EFHB: variants seen among roughly 807,000 people sequenced by gnomAD.
EFHB encodes EF-hand domain family member B.
EFHB carries 91 observed loss-of-function variants against 87.2 expected under a neutral mutation model. The ratio of observed to expected loss-of-function variants is 1.04; its 90% CI spans 0.88 to 1.24. The LOEUF (loss-of-function observed/expected upper bound fraction) is 1.24, where lower values mean the gene tolerates loss of function less well. Among genes scored for constraint, EFHB ranks in the 50% most tolerant of loss-of-function variants. EFHB has a pLI of 0.00. For synonymous variants in EFHB, 325 were observed against 333.6 expected (o/e 0.97, Z 0.28); for missense variants, 1,084 against 998.8 (o/e 1.09, Z -1.15).
chr3:19,903,702 C>T (rs186167327), intron 6 of EFHB, among the ~76,000 whole-genome samples: 2 of 151,884 alleles, frequency 1.3e-5, no homozygotes, highest in East Asian at 1.9e-4. Flanking sequence ...TTGAATAATT[C>T]GAGTATCAGA....
chr3:19,904,975 A>G (rs1694792031), intron 6 of EFHB, among the ~76,000 whole-genome samples: 1 of 152,198 alleles, frequency 6.6e-6, no homozygotes, highest in Non-Finnish European at 1.5e-5. Flanking sequence ...TGAAAAACTA[A>G]TGACCCAATT....
At chr3:19,933,199 T>C (rs1332217451) in intron 1 of EFHB, 31 bp downstream of exon 1, 2 of 1,588,614 alleles carry the variant, frequency 1.3e-6, no homozygotes, top group African/African-American at 2.7e-5. Context: ...ATACACAGTT[T>C]AGTTCCTATG....
At chr3:19,941,508 T>C (rs142955819) in intron 1 of EFHB, 71 of 157,784 alleles carry the variant, frequency 4.5e-4, no homozygotes, top group Middle Eastern at 3.2e-3. Context: ...TGTCTCCTGC[T>C]GTAGATTTCA....
chr3:19,888,676 A>G (rs1049562332), intron 9 of EFHB, 25 bp from the exon 10 acceptor site: 1 of 1,573,352 alleles, frequency 6.4e-7, no homozygotes, highest in Non-Finnish European at 8.7e-7. Context: ...GCAAAAGAAC[A>G]TAAAATGGGA....
chr3:19,907,459 A>C (rs1278400886), intron 5 of EFHB, among the ~76,000 whole-genome samples: 1 of 152,204 alleles, frequency 6.6e-6, no homozygotes, highest in African/African-American at 2.4e-5. Flanking sequence ...CCTGAAGATC[A>C]AGGGAGGTAT....
intron 6 of EFHB, among the ~76,000 whole-genome samples, chr3:19,902,837 TAAAG>T (rs1326525509): frequency 1.3e-5 from 2 of 152,128 alleles, no homozygotes; most frequent in African/African-American, 4.8e-5. Flanking sequence ...ACCAAAAGAA[TAAAG>T]AATTTCTCTA....
At chr3:19,918,836 C>T (rs967521343) in intron 3 of EFHB, among the ~76,000 whole-genome samples, 5 of 150,648 alleles carry the variant, frequency 3.3e-5, no homozygotes, top group Admixed American at 1.3e-4. Flanking sequence ...AAAAATTAGC[C>T]GGGTGTGCTG....
At chr3:19,940,700 A>C in intron 1 of EFHB, 1 of 346,506 alleles carries the variant, frequency 2.9e-6, no homozygotes, top group Non-Finnish European at 5.8e-6. Context: ...TTTTTCCTGT[A>C]CTCTTGTGCA....
At chr3:19,912,711 A>T (rs938473546) in intron 5 of EFHB, among the ~76,000 whole-genome samples, 1 of 152,204 alleles carries the variant, frequency 6.6e-6, no homozygotes, top group African/African-American at 2.4e-5. Context: ...AACAGGGTTA[A>T]AAAGTTAAGG....
intron 4 of EFHB, among the ~76,000 whole-genome samples, chr3:19,917,803 G>C (rs1695285250): frequency 6.6e-6 from 1 of 152,176 alleles, no homozygotes; most frequent in Admixed American, 6.5e-5. Context: ...TGCATGAATG[G>C]AGTGCAGTAT....
chr3:19,905,529 T>G (rs1255520222), intron 6 of EFHB, 91 bp downstream of exon 6: 1 of 1,370,736 alleles, frequency 7.3e-7, no homozygotes, highest in Non-Finnish European at 1.0e-6. Flanking sequence ...ATCATTTTAT[T>G]ACCTCTTCAA....
chr3:19,940,881 C>A, intron 1 of EFHB: 1 of 355,382 alleles, frequency 2.8e-6, no homozygotes, highest in South Asian at 2.8e-5. Context: ...ATCAGGCTGC[C>A]TGTCAGAGTA....
intron 2 of EFHB, 66 bp from the exon 3 acceptor site, chr3:19,920,042 T>C: frequency 1.3e-6 from 2 of 1,548,436 alleles, no homozygotes; most frequent in Admixed American, 1.8e-5. Flanking sequence ...AGGACTGATC[T>C]ATACCAATCA....
intron 9 of EFHB, among the ~76,000 whole-genome samples, chr3:19,891,295 A>G (rs1471033919): frequency 2.0e-5 from 3 of 152,056 alleles, no homozygotes; most frequent in Non-Finnish European, 4.4e-5. Context: ...GCCTCAAACT[A>G]TCCTCCTGCC....
Position 19,898,802 on chromosome 3 carries a change from C to T in EFHB, c.1546G>A (p.Ala516Thr), listed in dbSNP as rs140335650. 3 of 1,613,754 alleles carry T rather than the reference C, an allele frequency of 1.9e-6. No individual in the cohort carries two copies. Among genetic ancestry groups the T allele is most frequent in the African/African-American group, 1.3e-5 (1 of 75,038 alleles). Residue 516 changes from alanine to threonine, a missense_variant, in exon 8 of 13, where the codon GCT becomes ACT. Ala to Thr is a moderately conservative substitution (Grantham distance 58, BLOSUM62 0). Coordinates refer to ENST00000295824, the MANE Select transcript of EFHB (RefSeq NM_144715.4). ...CCATATTCCTCAGGACGGAGACAAG[C>T]TCCAAATGTGCAGTCTGGGGGAACA... ...MNVPPDCTFG[A>T]CLRPEEYGVG... is the part of the protein sequence containing the mutation.
chr3:19,942,168 T>A (rs565922810), intron 1 of EFHB: 1 of 151,970 alleles, frequency 6.6e-6, no homozygotes. Context: ...AATAAATAAA[T>A]AAAAATTTAA....
At chr3:19,929,696 G>A in intron 1 of EFHB, among the ~76,000 whole-genome samples, 1 of 113,664 alleles carries the variant, frequency 8.8e-6, no homozygotes, top group Non-Finnish European at 1.7e-5. Context: ...GCGAGAGCGT[G>A]AGACTCCATC....
intron 5 of EFHB, among the ~76,000 whole-genome samples, chr3:19,906,086 C>T (rs545326130): frequency 4.6e-5 from 7 of 152,206 alleles, no homozygotes; most frequent in Admixed American, 1.3e-4. Context: ...TTTGTGAGGC[C>T]GAGACTGGTG....
At chr3:19,898,603 GA>G (rs892894145) in intron 8 of EFHB, among the ~76,000 whole-genome samples, 174 bp downstream of exon 8, 3 of 151,914 alleles carry the variant, frequency 2.0e-5, no homozygotes, top group Non-Finnish European at 2.9e-5. Context: ...AACATAATAT[GA>G]AAAAAAATTT....
Sources: allele counts gnomAD v4.1 joint callset (sites outside exome capture counted in the v4.1 genomes callset), GRCh38; gene constraint gnomAD v4.1.1; transcripts MANE v1.5; gene names NCBI Gene and HGNC (gene_info 2026-07-23, HGNC 2026-07-21).